The following TNIK variants were observed in gnomAD, a reference collection of about 807,000 sequenced individuals.
TNIK encodes the protein TRAF2 and NCK interacting kinase.
A neutral mutation model predicts 191.3 loss-of-function variants in TNIK; 49 were observed. The observed-to-expected ratio is 0.26, with a 90% CI of 0.20 to 0.32. The LOEUF is 0.32. Among genes scored for constraint, TNIK ranks in the 10% least tolerant of loss-of-function variants. The pLI is 1.00. For missense variants in TNIK, 1,155 were observed against 1,702.3 expected, an observed-to-expected ratio of 0.68 and a Z score of 5.66; for synonymous variants, 594 against 600.9, an observed-to-expected ratio of 0.99 and a Z score of 0.17.
At chr3:171,376,055 C>G (rs1006678363) in intron 1 of TNIK, among the ~76,000 whole-genome samples, 1 of 152,152 alleles carries the variant, frequency 6.6e-6, no homozygotes, top group South Asian at 2.1e-4. Context: ...TCTAAACTTA[C>G]GGGCCTTAAG....
At chr3:171,237,620 A>G (rs575981633) in intron 2 of TNIK, among the ~76,000 whole-genome samples, 25 of 152,296 alleles carry the variant, frequency 1.6e-4, no homozygotes, top group African/African-American at 6.0e-4. Context: ...TCTAAAACTT[A>G]TATACCTAAA....
intron 1 of TNIK, among the ~76,000 whole-genome samples, chr3:171,431,436 C>A (rs1281020720): frequency 6.6e-6 from 1 of 151,914 alleles, no homozygotes; most frequent in African/African-American, 2.4e-5. Flanking sequence ...GAGAAATATG[C>A]CAAAATATTA....
chr3:171,398,125 C>G (rs557962725), intron 1 of TNIK, among the ~76,000 whole-genome samples: 1 of 152,300 alleles, frequency 6.6e-6, no homozygotes, highest in East Asian at 1.9e-4. Context: ...TCTTTTCACA[C>G]CAGTCACAGT....
At chr3:171,448,777 A>C (rs1727822190) in intron 1 of TNIK, among the ~76,000 whole-genome samples, 1 of 152,052 alleles carries the variant, frequency 6.6e-6, no homozygotes, top group Non-Finnish European at 1.5e-5. Context: ...TTATACTTTG[A>C]GTTCCGGGAT....
intron 26 of TNIK, among the ~76,000 whole-genome samples, chr3:171,083,864 A>G (rs1296456572): frequency 2.0e-5 from 3 of 152,150 alleles, no homozygotes; most frequent in South Asian, 4.2e-4. Context: ...TGCCCACTCA[A>G]TGTATTCAGT....
At chr3:171,123,860 C>G (rs1376325419) in intron 17 of TNIK, among the ~76,000 whole-genome samples, 158 bp from the exon 18 acceptor site, 1 of 152,110 alleles carries the variant, frequency 6.6e-6, no homozygotes, top group African/African-American at 2.4e-5. Flanking sequence ...ATATTAAACT[C>G]CCTAAACAAA....
At chr3:171,249,519 C>T (rs1220561975) in intron 2 of TNIK, among the ~76,000 whole-genome samples, 5 of 152,128 alleles carry the variant, frequency 3.3e-5, no homozygotes, top group African/African-American at 1.2e-4. Context: ...GGGCCTCCTG[C>T]AGTGAGTTAC....
At chr3:171,433,270 T>C (rs1020513075) in intron 1 of TNIK, among the ~76,000 whole-genome samples, 10 of 152,160 alleles carry the variant, frequency 6.6e-5, no homozygotes, top group African/African-American at 1.9e-4. Context: ...TAAAACCAAA[T>C]GGTTTAAATT....
At chr3:171,178,433 T>C (rs1736227440) in intron 7 of TNIK, among the ~76,000 whole-genome samples, 1 of 56,202 alleles carries the variant, frequency 1.8e-5, no homozygotes, top group Non-Finnish European at 3.0e-5. Flanking sequence ...TAGACTAGTA[T>C]GTAACAATAG....
intron 2 of TNIK, among the ~76,000 whole-genome samples, chr3:171,357,385 T>C (rs1277635779): frequency 6.6e-6 from 1 of 151,344 alleles, no homozygotes; most frequent in Admixed American, 6.6e-5. Context: ...ATCTCCCAGG[T>C]TCAAGTGATT....
Position 171,060,958 on chromosome 3 carries a change from TA to T in TNIK, c.*2922del, listed in dbSNP as rs987198235. Among the ~76,000 whole-genome samples, 9 of 152,088 alleles carry T rather than the reference TA, an allele frequency of 5.9e-5. No individual in the cohort carries two copies. Among genetic ancestry groups the T allele is most frequent in the African/African-American group, 2.2e-4 (9 of 41,486 alleles). On this transcript the variant is annotated 3_prime_UTR_variant, in exon 33 of 33. Transcript: ENST00000436636. ...TCTCCAGTTTCTCTTTGTAGGAAAA[TA>T]AAAATAAAATGAGCCAATTTCTAGA...
At chr3:171,255,386 A>G (rs1482108194) in intron 2 of TNIK, among the ~76,000 whole-genome samples, 1 of 152,216 alleles carries the variant, frequency 6.6e-6, no homozygotes, top group African/African-American at 2.4e-5. Flanking sequence ...CAACCATCTT[A>G]GCTAGAGCTA....
At chr3:171,231,312 GTTTTGTTTTTTT>G (rs1475628484) in intron 2 of TNIK, among the ~76,000 whole-genome samples, 2 of 139,774 alleles carry the variant, frequency 1.4e-5, no homozygotes, top group African/African-American at 3.1e-5. Flanking sequence ...TGTTGTTGTT[GTTTTGTTTTTTT>G]TTTTGTTTTT....
chr3:171,421,078 G>A (rs1382223131), intron 1 of TNIK, among the ~76,000 whole-genome samples: 1 of 152,178 alleles, frequency 6.6e-6, no homozygotes, highest in Non-Finnish European at 1.5e-5. Flanking sequence ...CTACCCTTTT[G>A]TACTGCTTCC....
intron 1 of TNIK, among the ~76,000 whole-genome samples, chr3:171,433,984 C>A (rs1725700390): frequency 8.4e-6 from 1 of 119,528 alleles, no homozygotes; most frequent in Non-Finnish European, 1.6e-5. Flanking sequence ...CTCACTCTGA[C>A]ACCCAGGCTG....
chr3:171,107,072 T>TCTC (rs1192804799), intron 21 of TNIK, 111 bp downstream of exon 21: 2 of 1,159,886 alleles, frequency 1.7e-6, no homozygotes, highest in Admixed American at 4.7e-5. Flanking sequence ...TTGCTACAAA[T>TCTC]CTCCTCCCAG....
intron 2 of TNIK, among the ~76,000 whole-genome samples, chr3:171,285,205 T>G (rs1375592188): frequency 1.3e-5 from 2 of 152,204 alleles, no homozygotes; most frequent in Non-Finnish European, 2.9e-5. Context: ...AGCTGATAAT[T>G]TTTTGATAAA....
chr3:171,256,735 C>T (rs910601028), intron 2 of TNIK, among the ~76,000 whole-genome samples: 1 of 152,114 alleles, frequency 6.6e-6, no homozygotes, highest in African/African-American at 2.4e-5. Context: ...TTCTGACCAT[C>T]CCCATTCTGA....
chr3:171,201,848 C>T (rs1431816216), intron 4 of TNIK, among the ~76,000 whole-genome samples: 4 of 152,066 alleles, frequency 2.6e-5, no homozygotes, highest in Non-Finnish European at 5.9e-5. Context: ...TTATATTTTT[C>T]GACTGGGAAA....
Sources: allele counts gnomAD v4.1 joint callset (sites outside exome capture counted in the v4.1 genomes callset), GRCh38; gene constraint gnomAD v4.1.1; transcripts MANE v1.5; gene names NCBI Gene and HGNC (gene_info 2026-07-23, HGNC 2026-07-21).